The following ZNF808 variants were observed in gnomAD, a reference collection of about 807,000 sequenced individuals.
The protein encoded by ZNF808 is zinc finger protein 808.
ZNF808 carries 5 observed loss-of-function variants against 8.7 expected under a neutral mutation model. The observed-to-expected ratio is 0.58, with a 90% CI of 0.30 to 1.21. The LOEUF (loss-of-function observed/expected upper bound fraction) is 1.21, where lower values mean the gene tolerates loss of function less well. Ranked by LOEUF, ZNF808 falls within the 50% of genes most tolerant of loss-of-function variation. The probability of loss-of-function intolerance (pLI) is 0.07; values close to 1 mark genes in which losing one functional copy is unlikely to be tolerated. For synonymous variants in ZNF808, 380 were observed against 366.0 expected (o/e 1.04, Z -0.44); for missense variants, 1,103 against 1,098.4 (o/e 1.00, Z -0.06).
intron 3 of ZNF808, among the ~76,000 whole-genome samples, chr19:52,562,554 T>G (rs960176929): frequency 6.6e-6 from 1 of 152,204 alleles, no homozygotes; most frequent in African/African-American, 2.4e-5. Flanking sequence ...CCAGGGAGCC[T>G]GCATCATATT....
chr19:52,550,958 C>T (rs1401321276), intron 4 of ZNF808, among the ~76,000 whole-genome samples: 1 of 147,294 alleles, frequency 6.8e-6, no homozygotes, highest in South Asian at 2.1e-4. Context: ...CAGTGGCTTT[C>T]ACCTCTAATT....
In ZNF808 at chr19:52,554,621, T is replaced by C. The variant is rs2059815347; in HGVS notation, c.1705T>C (p.Cys569Arg). The change falls in exon 5 of 5, where the codon TGT becomes CGT. Residue 569 changes from cysteine to arginine, a missense_variant. Coordinates refer to ENST00000359798, the MANE Select transcript of ZNF808 (RefSeq NM_001039886.4). ...TCACACTGCAAAGAAACCTTACAAGTGTAATGAATGTGGGAAAGCTTTTAA... is the reference window on the plus strand; with the variant it reads ...TCACACTGCAAAGAAACCTTACAAGCGTAATGAATGTGGGAAAGCTTTTAA... ...RIHTAKKPYKCNECGKAFNQQ... is the reference protein window; with the variant it reads ...RIHTAKKPYKRNECGKAFNQQ... 6.2e-7 allele frequency: 1 copy of C among 1,613,968 alleles called. No individual in the cohort carries two copies. Among genetic ancestry groups the C allele is most frequent in the Non-Finnish European group, 8.5e-7 (1 of 1,179,926 alleles).
rs143272622 is a variant in ZNF808 at position 52,563,842 on chromosome 19, A to G, written c.*947A>G. Reference sequence around the variant, plus strand: ...GAAACCCCGTCTCTACTAAAAATACAAAGATTAGCTGGGCACAGTGGTGGG... The same window carrying G: ...GAAACCCCGTCTCTACTAAAAATACGAAGATTAGCTGGGCACAGTGGTGGG... On this transcript the variant is annotated 3_prime_UTR_variant and NMD_transcript_variant, in exon 4 of 4. Transcript: ENST00000487863. 3.3e-3 allele frequency: 649 copies of G among 198,492 alleles called. 5 individuals carry two copies. The highest frequency in any genetic ancestry group is 0.015 in the African/African-American group (620 of 41,888). 12.3% of individuals were successfully genotyped at this position (198,492 alleles called of 1,614,324 possible).
At chr19:52,530,441 A>G (rs2059551279) in intron 1 of ZNF808, among the ~76,000 whole-genome samples, 1 of 151,500 alleles carries the variant, frequency 6.6e-6, no homozygotes, top group Non-Finnish European at 1.5e-5. Flanking sequence ...AGGTGGGTGG[A>G]TCATGAGGTC....
intron 4 of ZNF808, among the ~76,000 whole-genome samples, chr19:52,548,313 A>G (rs1177018572): frequency 6.6e-6 from 1 of 152,194 alleles, no homozygotes; most frequent in Middle Eastern, 3.2e-3. Flanking sequence ...TGTAAGAGAT[A>G]TGGTTTTCAT....
intron 3 of ZNF808, among the ~76,000 whole-genome samples, chr19:52,546,110 G>A (rs1301453408): frequency 6.6e-6 from 1 of 152,092 alleles, no homozygotes; most frequent in African/African-American, 2.4e-5. Context: ...CTTAAGACAT[G>A]GGAAGCACTT....
chr19:52,568,187 C>G (rs1398888513), downstream of ZNF808, among the ~76,000 whole-genome samples: 3 of 151,952 alleles, frequency 2.0e-5, no homozygotes, highest in Non-Finnish European at 4.4e-5. Context: ...GCCTGGCCAA[C>G]ATGGGGAAAC....
chr19:52,528,899 C>G (rs958466778), intron 1 of ZNF808, among the ~76,000 whole-genome samples: 4 of 150,722 alleles, frequency 2.7e-5, no homozygotes, highest in Admixed American at 1.3e-4. Context: ...AAATAAGTTG[C>G]GAGGATGGAG....
downstream of ZNF808, among the ~76,000 whole-genome samples, chr19:52,558,016 G>GGTT (rs2059843816): frequency 1.3e-5 from 1 of 74,338 alleles, no homozygotes. Context: ...TCTAGGTGTG[G>GGTT]CTTTTTTTTT....
rs774818498 is a variant in ZNF808 at position 52,547,571 on chromosome 19, G to A, written c.123G>A (p.Leu41=). The A allele has an allele frequency of 1.2e-6, 2 of 1,614,070 alleles. No individual in the cohort carries two copies. Among genetic ancestry groups the A allele is most frequent in the East Asian group, 2.2e-5 (1 of 44,870 alleles). The change falls in exon 4 of 5, where the codon CTG becomes CTA. Residue 41 remains leucine (L), a synonymous_variant. Transcript: ENST00000359798. The part of the protein sequence containing the change: ...IEFSLAEWKF[L]NPAQRALYRE... ...TCTCATTGGCAGAGTGGAAATTCCTGAACCCTGCACAGAGGGCTTTGTACA... is the reference window on the plus strand; with the variant it reads ...TCTCATTGGCAGAGTGGAAATTCCTAAACCCTGCACAGAGGGCTTTGTACA...
chr19:52,549,039 G>A (rs191331910), intron 4 of ZNF808, among the ~76,000 whole-genome samples: 1 of 152,160 alleles, frequency 6.6e-6, no homozygotes, highest in Non-Finnish European at 1.5e-5. Context: ...GTGCAGTGGT[G>A]TAATCTCAGC....
At chr19:52,540,249 G>A (rs2059657781) in intron 2 of ZNF808, among the ~76,000 whole-genome samples, 1 of 151,932 alleles carries the variant, frequency 6.6e-6, no homozygotes, top group Non-Finnish European at 1.5e-5. Flanking sequence ...TAACATTGTG[G>A]TCTTCCTGCC....
chr19:52,534,635 A>G (rs2059588226), intron 2 of ZNF808, among the ~76,000 whole-genome samples: 1 of 151,978 alleles, frequency 6.6e-6, no homozygotes. Flanking sequence ...CACGAGTGTA[A>G]TCCCAGCACT....
At position 52,553,543 on chromosome 19, in the gene ZNF808, G is replaced by T. The variant is rs1294672426; in HGVS notation, c.627G>T (p.Gly209=). ...RPQIHISNNY[G]NNPLNSSLLP... Reference sequence around the variant, plus strand: ...AAATCCATATTTCTAATAACTATGGGAATAATCCCCTGAATTCTTCATTAC... The same window carrying T: ...AAATCCATATTTCTAATAACTATGGTAATAATCCCCTGAATTCTTCATTAC... The change falls in exon 5 of 5, where the codon GGG becomes GGT. Residue 209 remains glycine (G), a synonymous_variant. Coordinates refer to ENST00000359798, the MANE Select transcript of ZNF808 (RefSeq NM_001039886.4). The T allele has an allele frequency of 2.5e-6, 4 of 1,614,120 alleles. No individual in the cohort carries two copies. Among genetic ancestry groups the T allele is most frequent in the East Asian group, 2.2e-5 (1 of 44,882 alleles).
chr19:52,535,212 T>G (rs1422095626), intron 2 of ZNF808, among the ~76,000 whole-genome samples: 17 of 145,754 alleles, frequency 1.2e-4, no homozygotes, highest in Non-Finnish European at 2.4e-4. Flanking sequence ...GCGCCTGTAG[T>G]CCCAGTTACT....
intron 2 of ZNF808, among the ~76,000 whole-genome samples, chr19:52,539,228 G>C (rs868762227): frequency 1.1e-3 from 126 of 116,006 alleles, no homozygotes; most frequent in African/African-American, 3.9e-3. Flanking sequence ...GAGTCTCTCT[G>C]TGTCACGCAG....
At chr19:52,561,107 C>T (rs1016618234), downstream of ZNF808, among the ~76,000 whole-genome samples, 7 of 147,842 alleles carry the variant, frequency 4.7e-5, no homozygotes, top group African/African-American at 1.0e-4. Flanking sequence ...CGCAGCTCAG[C>T]GCTTGTGTCC....
At chr19:52,559,516 C>T (rs184046008), downstream of ZNF808, among the ~76,000 whole-genome samples, 14 of 151,988 alleles carry the variant, frequency 9.2e-5, no homozygotes, top group African/African-American at 2.4e-4. Context: ...GGTGCAGGCG[C>T]GGGTCCTCTG....
chr19:52,528,272 C>T (rs1456081594), intron 1 of ZNF808, among the ~76,000 whole-genome samples: 6 of 152,300 alleles, frequency 3.9e-5, no homozygotes, highest in African/African-American at 1.4e-4. Context: ...GGGCCCTGTC[C>T]TGTGACATGG....
Sources: allele counts gnomAD v4.1 joint callset (sites outside exome capture counted in the v4.1 genomes callset), GRCh38; gene constraint gnomAD v4.1.1; transcripts MANE v1.5; gene names NCBI Gene and HGNC (gene_info 2026-07-23, HGNC 2026-07-21).